The following GALNT3 variants were observed in gnomAD, a reference collection of about 807,000 sequenced individuals.
The protein encoded by GALNT3 is GalNAc transferase 3.
In GALNT3, 51 loss-of-function variants were observed where a neutral mutation model predicts 69.8. The ratio of observed to expected loss-of-function variants is 0.73; its 90% CI spans 0.58 to 0.92. The LOEUF is 0.92. Among genes scored for constraint, GALNT3 ranks in the 40% least tolerant of loss-of-function variants. The pLI is 0.00. For synonymous variants in GALNT3, 265 were observed against 248.5 expected, an observed-to-expected ratio of 1.07 and a Z score of -0.63; for missense variants, 711 against 760.0, an observed-to-expected ratio of 0.94 and a Z score of 0.76.
At chr2:165,788,298 T>C (rs1455321287) in intron 1 of GALNT3, among the ~76,000 whole-genome samples, 5 of 118,924 alleles carry the variant, frequency 4.2e-5, no homozygotes, top group East Asian at 2.3e-4. Context: ...GCCTGGGCGA[T>C]AGAGCAAGAC....
chr2:165,783,236 C>G (rs1683150314), intron 1 of GALNT3, among the ~76,000 whole-genome samples: 1 of 152,100 alleles, frequency 6.6e-6, no homozygotes. Context: ...CTTCTTAATA[C>G]TTTAGTGAAA....
At chr2:165,785,269 G>T (rs1683196789) in intron 1 of GALNT3, among the ~76,000 whole-genome samples, 1 of 151,812 alleles carries the variant, frequency 6.6e-6, no homozygotes, top group Non-Finnish European at 1.5e-5. Context: ...TAAAAAACAA[G>T]GCCAATTTAT....
At chr2:165,751,087 G>T (rs1315373723) in intron 9 of GALNT3, among the ~76,000 whole-genome samples, 1 of 151,836 alleles carries the variant, frequency 6.6e-6, no homozygotes, top group Admixed American at 6.6e-5. Context: ...ATAGACTGAA[G>T]TCAGGCAATT....
chr2:165,749,105 A>ATC (rs1688309907), intron 10 of GALNT3, among the ~76,000 whole-genome samples: 1 of 152,134 alleles, frequency 6.6e-6, no homozygotes, highest in South Asian at 2.1e-4. Context: ...ATATTACATA[A>ATC]TGAAGAGAGG....
In GALNT3 at chr2:165,757,599, G is replaced by A. The variant is rs374094995; in HGVS notation, c.1192-352C>T. On this transcript the variant is annotated intron_variant, in intron 6 of 10. Transcript: ENST00000392701. ...GCTCTTATGCATTTGACTTCTGTCT[G>A]AACTACTGACATAGTCACTTCACTT... is the stretch of plus-strand genomic sequence containing the variant. 2.4e-4 allele frequency among the ~76,000 whole-genome samples: 36 copies of A among 152,256 alleles called. No homozygotes were observed. The South Asian group carries it at 6.4e-3, about 27-fold the overall frequency.
intron 1 of GALNT3, among the ~76,000 whole-genome samples, chr2:165,784,921 CCT>C (rs1327619771): frequency 1.4e-4 from 21 of 152,006 alleles, no homozygotes; most frequent in Non-Finnish European, 2.6e-4. Context: ...TATGAGAAAC[CCT>C]GTCTGCTTTA....
intron 9 of GALNT3, among the ~76,000 whole-genome samples, chr2:165,752,823 G>A (rs1573995233): frequency 6.6e-6 from 1 of 152,196 alleles, no homozygotes; most frequent in East Asian, 1.9e-4. Flanking sequence ...TATTTCCAAA[G>A]AATGCAATTA....
chr2:165,780,938 T>C (rs963964293), intron 1 of GALNT3, among the ~76,000 whole-genome samples: 1 of 152,176 alleles, frequency 6.6e-6, no homozygotes, highest in Non-Finnish European at 1.5e-5. Context: ...TTGGTCCACA[T>C]GATAACCTGA....
At chr2:165,759,933 T>G (rs1467796247) in intron 4 of GALNT3, among the ~76,000 whole-genome samples, 1 of 152,164 alleles carries the variant, frequency 6.6e-6, no homozygotes, top group Non-Finnish European at 1.5e-5. Context: ...GTCACCACGT[T>G]GTACAATAGA....
At chr2:165,782,392 C>A (rs1446151510) in intron 1 of GALNT3, among the ~76,000 whole-genome samples, 3 of 146,264 alleles carry the variant, frequency 2.1e-5, no homozygotes, top group African/African-American at 5.0e-5. Context: ...AAAAGAATTA[C>A]AAAAAAAAAA....
Position 165,748,309 on chromosome 2 carries a change from A to G in GALNT3, c.*472T>C, listed in dbSNP as rs1057399607. The G allele has an allele frequency of 4.6e-6, 1 of 215,562 alleles. No homozygotes were observed. The highest frequency in any genetic ancestry group is 9.3e-6 in the Non-Finnish European group (1 of 107,008). 13.4% of individuals were successfully genotyped at this position (215,562 alleles called of 1,614,324 possible). On this transcript the variant is annotated 3_prime_UTR_variant, in exon 11 of 11. Coordinates refer to ENST00000392701, the MANE Select transcript of GALNT3 (RefSeq NM_004482.4). ...TGCATTTTAAACTAATAAATTCTGG[A>G]TCTGTAAAAGCTCTTGGTTTGTACA... is the stretch of plus-strand genomic sequence containing the variant.
chr2:165,767,835 C>T (rs1241712953), intron 2 of GALNT3, among the ~76,000 whole-genome samples: 2 of 148,014 alleles, frequency 1.4e-5, no homozygotes, highest in Non-Finnish European at 3.0e-5. Flanking sequence ...GTGTTATTTG[C>T]TGATACTGGT....
At position 165,772,237 on chromosome 2, in the gene GALNT3, G is replaced by C. The variant is rs144187063; in HGVS notation, c.-108-1429C>G. On this transcript the variant is annotated intron_variant, in intron 1 of 10. Coordinates refer to ENST00000392701, the MANE Select transcript of GALNT3 (RefSeq NM_004482.4). ...TTCAAGAAGCAGAATTGAAATATAG[G>C]AAGCCAGAGGACAGTCACAAAGCAG... Among the ~76,000 whole-genome samples, 437 of 152,246 alleles carry C rather than the reference G, an allele frequency of 2.9e-3. 5 individuals are homozygous for C. Among genetic ancestry groups the C allele is most frequent in the Admixed American group, 0.014 (218 of 15,288 alleles).
intron 5 of GALNT3, 56 bp downstream of exon 5, chr2:165,759,280 A>G: frequency 7.4e-7 from 1 of 1,342,838 alleles, no homozygotes. Context: ...CAGTGTGTAC[A>G]TATTCAATGT....
intron 1 of GALNT3, among the ~76,000 whole-genome samples, chr2:165,778,594 T>G (rs1683024945): frequency 6.6e-6 from 1 of 152,164 alleles, no homozygotes; most frequent in Non-Finnish European, 1.5e-5. Context: ...GGAAGGGCTC[T>G]CCTCTCACCA....
chr2:165,763,223 T>C lies in GALNT3; in HGVS notation c.689-1169A>G, dbSNP rs533045479. 9.9e-5 allele frequency among the ~76,000 whole-genome samples: 15 copies of C among 152,268 alleles called. No individual in the cohort carries two copies. The South Asian group carries it at 2.9e-3, about 30-fold the overall frequency. ...GCCCAAAACATAGCCTCAAAAAAAT[T>C]TGGGAATGTTAAGAAAATCAATAAA... On this transcript the variant is annotated intron_variant, in intron 3 of 10. Transcript: ENST00000392701.
chr2:165,749,736 A>G lies in GALNT3; in HGVS notation c.1779+6T>C. ...TTAAATAGATGAATTAATTGCACTG[A>G]GGTACCTTCTGGATCTCCCATATCT... On this transcript the variant is annotated splice_donor_region_variant and intron_variant, in intron 10 of 10. Coordinates refer to ENST00000392701, the MANE Select transcript of GALNT3 (RefSeq NM_004482.4). The G allele has an allele frequency of 6.2e-7, 1 of 1,612,658 alleles. No individual in the cohort carries two copies. Among genetic ancestry groups the G allele is most frequent in the Non-Finnish European group, 8.5e-7 (1 of 1,178,720 alleles).
At chr2:165,779,684 A>G (rs1300627178) in intron 1 of GALNT3, among the ~76,000 whole-genome samples, 3 of 152,226 alleles carry the variant, frequency 2.0e-5, no homozygotes, top group African/African-American at 7.2e-5. Flanking sequence ...TTGTTAACAT[A>G]TACAAAAAAA....
At chr2:165,766,718 T>C (rs1187285787) in intron 2 of GALNT3, among the ~76,000 whole-genome samples, 1 of 63,212 alleles carries the variant, frequency 1.6e-5, no homozygotes, top group African/African-American at 3.7e-5. Flanking sequence ...GGGGAAACTG[T>C]AGCCTCCAGT....
Sources: allele counts gnomAD v4.1 joint callset (sites outside exome capture counted in the v4.1 genomes callset), GRCh38; gene constraint gnomAD v4.1.1; transcripts MANE v1.5; gene names NCBI Gene and HGNC (gene_info 2026-07-23, HGNC 2026-07-21).